The following MAMLD1 variants were observed in gnomAD, a reference collection of about 807,000 sequenced individuals.
MAMLD1 encodes mastermind-like domain-containing protein 1.
Under a neutral mutation model 45.0 loss-of-function variants are expected in MAMLD1, and 14 were observed. The observed-to-expected ratio is 0.31, with a 90% CI of 0.21 to 0.49. The LOEUF (loss-of-function observed/expected upper bound fraction) is 0.49, where lower values mean the gene tolerates loss of function less well. MAMLD1 is among the 20% of genes least tolerant of loss of function. The pLI is 0.99. For synonymous variants in MAMLD1, 254 were observed against 247.8 expected (o/e 1.02, Z -0.24); for missense variants, 543 against 603.6 (o/e 0.90, Z 1.05).
intron 1 of MAMLD1, among the ~76,000 whole-genome samples, chrX:150,404,557 C>A: frequency 9.0e-6 from 1 of 111,723 alleles, no homozygotes. Context: ...AATTGATGTA[C>A]AGTAAACTGA....
intron 2 of MAMLD1, among the ~76,000 whole-genome samples, chrX:150,459,605 C>T (rs1465490831): frequency 1.8e-5 from 2 of 109,669 alleles, no homozygotes; most frequent in Non-Finnish European, 3.8e-5. Flanking sequence ...CAACTGGGCA[C>T]CCTCATCTGT....
chrX:150,511,283 A>C (rs1381074200), intron 7 of MAMLD1, among the ~76,000 whole-genome samples: 1 of 111,501 alleles, frequency 9.0e-6, no homozygotes, highest in Non-Finnish European at 1.9e-5. Context: ...TCCCCATCTT[A>C]GGCACCTGGG....
At chrX:150,447,746 G>A (rs1262911300) in intron 2 of MAMLD1, among the ~76,000 whole-genome samples, 1 of 111,339 alleles carries the variant, frequency 9.0e-6, no homozygotes, top group Non-Finnish European at 1.9e-5. Context: ...TTTCCAGGGT[G>A]TAGCCTTAGC....
chrX:150,396,149 ATTTTTTT>A (rs151164752), intron 1 of MAMLD1, among the ~76,000 whole-genome samples: 3 of 39,249 alleles, frequency 7.6e-5, no homozygotes, highest in South Asian at 1.2e-3. Flanking sequence ...TACCTGGCTA[ATTTTTTT>A]TTTTTTTTTT....
chrX:150,408,411 G>A (rs2034048155), intron 1 of MAMLD1, among the ~76,000 whole-genome samples: 1 of 110,707 alleles, frequency 9.0e-6, no homozygotes, highest in East Asian at 2.8e-4. Flanking sequence ...CTCAGTTCTT[G>A]ACAATTACTT....
intron 5 of MAMLD1, among the ~76,000 whole-genome samples, chrX:150,481,942 GAAA>G (rs1479597676): frequency 5.0e-4 from 44 of 87,313 alleles, no homozygotes; most frequent in African/African-American, 2.0e-3. Context: ...AAGAAAGAAA[GAAA>G]AAAGAAAGAA....
chrX:150,405,583 G>C (rs2033973406), intron 1 of MAMLD1, among the ~76,000 whole-genome samples: 1 of 112,125 alleles, frequency 8.9e-6, no homozygotes, highest in African/African-American at 3.2e-5. Flanking sequence ...ATCGCAATGG[G>C]ACAGGATATA....
At chrX:150,429,142 G>T (rs2034823819) in intron 1 of MAMLD1, among the ~76,000 whole-genome samples, 1 of 109,943 alleles carries the variant, frequency 9.1e-6, no homozygotes, top group Admixed American at 9.7e-5. Flanking sequence ...AGTATCAGAG[G>T]CCTCTTTTTT....
At chrX:150,370,825 T>C (rs1425856224) in intron 1 of MAMLD1, among the ~76,000 whole-genome samples, 2 of 111,845 alleles carry the variant, frequency 1.8e-5, no homozygotes, top group African/African-American at 6.5e-5. Context: ...TTCAAAAATA[T>C]TCCCCCCGGG....
At chrX:150,463,285 T>C (rs782195278) in intron 3 of MAMLD1, among the ~76,000 whole-genome samples, 9 of 111,833 alleles carry the variant, frequency 8.0e-5, no homozygotes, top group Non-Finnish European at 1.7e-4. Flanking sequence ...TCTATCCCAC[T>C]AATGACAGAA....
chrX:150,422,970 G>A (rs1193409666), intron 1 of MAMLD1, among the ~76,000 whole-genome samples: 3 of 111,598 alleles, frequency 2.7e-5, no homozygotes, highest in African/African-American at 9.8e-5. Context: ...GGGGAGGAGA[G>A]TAAAGAGGAT....
At position 150,455,780 on chromosome X, in the gene MAMLD1, C is replaced by CTT. The variant is rs200212837; in HGVS notation, c.97-6979_97-6978dup. On this transcript the variant is annotated intron_variant, in intron 2 of 7. Coordinates refer to ENST00000370401, the MANE Select transcript of MAMLD1 (RefSeq NM_005491.5). Reference sequence around the variant, plus strand: ...AGAAGGTTTTCTTCTTCTTCTTCTTCTTTTTTTTTTTTTTGTATAATCAGA... The same window carrying CTT: ...AGAAGGTTTTCTTCTTCTTCTTCTTCTTTTTTTTTTTTTTTTGTATAATCAGA... Among the ~76,000 whole-genome samples the CTT allele has an allele frequency of 3.9e-3, 282 of 72,703 alleles. 3 individuals carry two copies. Among genetic ancestry groups the CTT allele is most frequent in the Non-Finnish European group, 6.4e-3 (247 of 38,832 alleles). 63.1% of individuals were successfully genotyped at this position (72,703 alleles called of 115,157 possible).
intron 1 of MAMLD1, among the ~76,000 whole-genome samples, chrX:150,370,001 C>G (rs782276424): frequency 6.5e-5 from 7 of 108,289 alleles, no homozygotes; most frequent in Non-Finnish European, 1.1e-4. Context: ...TGGCAATTAT[C>G]TTGCTGCCAT....
Position 150,470,897 on chromosome X carries a change from C to T in MAMLD1, c.1324C>T (p.His442Tyr), listed in dbSNP as rs782790005. 1 of 1,211,801 alleles carries T rather than the reference C, an allele frequency of 8.3e-7. No homozygotes were observed. The highest frequency in any genetic ancestry group is 1.1e-6 in the Non-Finnish European group (1 of 895,546). Reference sequence around the variant, plus strand: ...CTCTACCATCAAAACCCCTCAAGGACACCTGATGTCTGCTCTGCCTGCCAG... The same window carrying T: ...CTCTACCATCAAAACCCCTCAAGGATACCTGATGTCTGCTCTGCCTGCCAG... The part of the protein sequence containing the change: ...MSSTIKTPQG[H>Y]LMSALPASNP... Residue 442 changes from histidine (H) to tyrosine (Y), a missense_variant, in exon 4 of 8, where the codon CAC (histidine) becomes TAC (tyrosine). By Grantham distance (83) the His-to-Tyr change is moderately conservative. Transcript: ENST00000370401.
In MAMLD1 at chrX:150,420,489, C is replaced by T. The variant is rs1307643206; in HGVS notation, c.-63-24965C>T. Among the ~76,000 whole-genome samples the T allele has an allele frequency of 7.1e-5, 8 of 111,978 alleles. No individual in the cohort carries two copies. In the South Asian group the frequency reaches 1.5e-3, roughly 21 times the overall value. ...TTGTTCCGTTGCTGGTGAGGAACTGCGTTCCTTTGGAGGAGGAGAGGTGCT... is the reference window on the plus strand; with the variant it reads ...TTGTTCCGTTGCTGGTGAGGAACTGTGTTCCTTTGGAGGAGGAGAGGTGCT... On this transcript the variant is annotated intron_variant, in intron 1 of 7. Transcript: ENST00000370401.
At chrX:150,486,444 C>T (rs782253816) in intron 5 of MAMLD1, among the ~76,000 whole-genome samples, 1 of 111,909 alleles carries the variant, frequency 8.9e-6, no homozygotes, top group South Asian at 3.7e-4. Context: ...TTGTGTGGAG[C>T]CAGGTTCCTC....
intron 1 of MAMLD1, among the ~76,000 whole-genome samples, chrX:150,367,200 A>G (rs2031535674): frequency 1.0e-5 from 1 of 96,755 alleles, no homozygotes; most frequent in African/African-American, 3.9e-5. Flanking sequence ...AGTGACACAG[A>G]TGTGTGGGTT....
intron 1 of MAMLD1, among the ~76,000 whole-genome samples, chrX:150,370,035 A>G (rs2031838552): frequency 9.3e-6 from 1 of 108,085 alleles, no homozygotes. Context: ...CATATAATGG[A>G]TGTAACTAAA....
chrX:150,400,576 A>C (rs1287106275), intron 1 of MAMLD1, among the ~76,000 whole-genome samples: 4 of 112,072 alleles, frequency 3.6e-5, no homozygotes, highest in East Asian at 5.6e-4. Flanking sequence ...CCCATTCAGT[A>C]CGATATTGGC....
Sources: allele counts gnomAD v4.1 joint callset (sites outside exome capture counted in the v4.1 genomes callset), GRCh38; gene constraint gnomAD v4.1.1; transcripts MANE v1.5; gene names NCBI Gene and HGNC (gene_info 2026-07-23, HGNC 2026-07-21).